The following DOCK3 variants were observed in gnomAD, a reference collection of about 807,000 sequenced individuals.
DOCK3 encodes dedicator of cytokinesis 3.
DOCK3 carries 60 observed loss-of-function variants against 265.6 expected under a neutral mutation model. That is an observed-to-expected ratio of 0.23 (90% CI 0.18 to 0.28). DOCK3 has a LOEUF of 0.28. Ranked by LOEUF, DOCK3 falls within the 10% of genes least tolerant of loss-of-function variation. The pLI is 1.00. For missense variants in DOCK3, 1,981 were observed against 2,594.3 expected, an observed-to-expected ratio of 0.76 and a Z score of 5.14; for synonymous variants, 881 against 938.0, an observed-to-expected ratio of 0.94 and a Z score of 1.11.
At chr3:50,844,098 AT>A (rs1307832851) in intron 3 of DOCK3, among the ~76,000 whole-genome samples, 2 of 152,332 alleles carry the variant, frequency 1.3e-5, no homozygotes, top group Admixed American at 6.5e-5. Flanking sequence ...AAAGGAAAAA[AT>A]AAAGATGACT....
chr3:50,812,162 C>T (rs1285935893), intron 2 of DOCK3, among the ~76,000 whole-genome samples: 8 of 152,152 alleles, frequency 5.3e-5, no homozygotes, highest in African/African-American at 1.9e-4. Flanking sequence ...ATGAATGAGT[C>T]GAGCAGATTC....
At chr3:51,306,403 AT>A (rs901197013) in intron 27 of DOCK3, among the ~76,000 whole-genome samples, 29 of 151,720 alleles carry the variant, frequency 1.9e-4, no homozygotes, top group African/African-American at 6.3e-4. Context: ...AATCTCTTTG[AT>A]TTTATCCCCT....
At chr3:51,190,989 T>C (rs1576362373) in intron 12 of DOCK3, among the ~76,000 whole-genome samples, 1 of 152,210 alleles carries the variant, frequency 6.6e-6, no homozygotes, top group East Asian at 1.9e-4. Flanking sequence ...TCGGAAGGAA[T>C]GGAAAGTAGT....
intron 5 of DOCK3, among the ~76,000 whole-genome samples, chr3:51,050,110 G>T (rs991423203): frequency 2.6e-5 from 4 of 152,122 alleles, no homozygotes; most frequent in African/African-American, 9.7e-5. Flanking sequence ...TTAGCTGGGC[G>T]TGGTAGCTTA....
chr3:51,032,789 A>G (rs1456096913), intron 5 of DOCK3, among the ~76,000 whole-genome samples: 1 of 152,090 alleles, frequency 6.6e-6, no homozygotes, highest in East Asian at 1.9e-4. Context: ...CACCTGTCCT[A>G]TAGTCCCAAG....
At chr3:51,313,834 C>G (rs536018945) in intron 31 of DOCK3, among the ~76,000 whole-genome samples, 19 of 152,176 alleles carry the variant, frequency 1.2e-4, no homozygotes, top group Admixed American at 1.2e-3. Context: ...GTATCCAGCA[C>G]AGTTTGGAAA....
chr3:50,935,351 T>TCTACAGA (rs1288383278), intron 5 of DOCK3, among the ~76,000 whole-genome samples: 1 of 152,138 alleles, frequency 6.6e-6, no homozygotes, highest in Non-Finnish European at 1.5e-5. Flanking sequence ...GGGATGCCCC[T>TCTACAGA]CTCCAGTGGA....
chr3:50,775,524 A>G (rs993623476), intron 1 of DOCK3, among the ~76,000 whole-genome samples: 1 of 151,990 alleles, frequency 6.6e-6, no homozygotes, highest in Non-Finnish European at 1.5e-5. Flanking sequence ...AGTGTTTTCA[A>G]AGAACCAATT....
intron 1 of DOCK3, among the ~76,000 whole-genome samples, chr3:50,740,882 G>A (rs2038973415): frequency 1.3e-5 from 2 of 151,684 alleles, no homozygotes; most frequent in African/African-American, 2.4e-5. Flanking sequence ...TGTATAATTC[G>A]GTGGTATTAA....
chr3:51,288,502 T>C (rs2081542562), intron 27 of DOCK3, among the ~76,000 whole-genome samples: 1 of 152,082 alleles, frequency 6.6e-6, no homozygotes, highest in Non-Finnish European at 1.5e-5. Context: ...GTACTGTGCT[T>C]ATTGCTGGGG....
chr3:51,166,175 C>G (rs937968851), intron 12 of DOCK3, among the ~76,000 whole-genome samples: 1 of 151,652 alleles, frequency 6.6e-6, no homozygotes, highest in Non-Finnish European at 1.5e-5. Flanking sequence ...CTCAGCCTCC[C>G]GAGTAGCTGG....
At position 50,735,026 on chromosome 3, in the gene DOCK3, T is replaced by C. The variant is rs2038496580; in HGVS notation, c.38-43649T>C. Reference sequence around the variant, plus strand: ...TAGTGTTGATGAACTGCCTCAGCTTTTGTATGAGAACATCTTTATCTCTCC... The same window carrying C: ...TAGTGTTGATGAACTGCCTCAGCTTCTGTATGAGAACATCTTTATCTCTCC... On this transcript the variant is annotated intron_variant, in intron 1 of 52. Transcript: ENST00000266037. Among the ~76,000 whole-genome samples, 3 of 152,212 alleles carry C rather than the reference T, an allele frequency of 2.0e-5. No individual in the cohort carries two copies. In the South Asian group the frequency reaches 6.2e-4, roughly 32 times the overall value.
intron 9 of DOCK3, among the ~76,000 whole-genome samples, chr3:51,101,796 G>T (rs1365095683): frequency 2.0e-5 from 3 of 152,136 alleles, no homozygotes; most frequent in Non-Finnish European, 2.9e-5. Flanking sequence ...AGGCATTCTA[G>T]GCTTTCTCCC....
intron 9 of DOCK3, among the ~76,000 whole-genome samples, chr3:51,142,908 C>G (rs1355840729): frequency 2.6e-5 from 4 of 151,354 alleles, no homozygotes; most frequent in Admixed American, 1.3e-4. Context: ...TTTTTTGAGA[C>G]GGAGTTTCTC....
Position 51,277,486 on chromosome 3 carries a change from C to CT in DOCK3, c.2677-121dup. 2.3e-6 allele frequency: 3 copies of CT among 1,303,426 alleles called. No individual in the cohort carries two copies. In the East Asian group the frequency reaches 8.7e-5, roughly 38 times the overall value. 80.7% of individuals were successfully genotyped at this position (1,303,426 alleles called of 1,614,324 possible). On this transcript the variant is annotated intron_variant, in intron 25 of 52. Transcript: ENST00000266037. ...GCCTTGACACTGCATGTTGGTGAGACTGAGAGCTTGGTGTTGGGAATCCAG... is the reference window on the plus strand; with the variant it reads ...GCCTTGACACTGCATGTTGGTGAGACTTGAGAGCTTGGTGTTGGGAATCCAG...
At chr3:50,727,081 ATG>A (rs2037878403) in intron 1 of DOCK3, among the ~76,000 whole-genome samples, 1 of 152,200 alleles carries the variant, frequency 6.6e-6, no homozygotes, top group African/African-American at 2.4e-5. Flanking sequence ...AGAAGAACAA[ATG>A]GGACTGTTAG....
chr3:51,249,410 T>A (rs1304253582), intron 22 of DOCK3, among the ~76,000 whole-genome samples: 1 of 125,408 alleles, frequency 8.0e-6, no homozygotes, highest in African/African-American at 3.1e-5. Context: ...AGCCGCCCCG[T>A]CCGGGAGGTG....
At chr3:51,238,119 C>CCTT (rs2078430437) in intron 21 of DOCK3, among the ~76,000 whole-genome samples, 1 of 47,438 alleles carries the variant, frequency 2.1e-5, no homozygotes, top group African/African-American at 8.3e-5. Context: ...ATATTTACCA[C>CCTT]TTTTTTTTTT....
intron 5 of DOCK3, among the ~76,000 whole-genome samples, chr3:50,941,923 C>G (rs2076307710): frequency 6.6e-6 from 1 of 151,960 alleles, no homozygotes; most frequent in Non-Finnish European, 1.5e-5. Context: ...ACTGTTAAGG[C>G]TTAATATGAG....
Sources: allele counts gnomAD v4.1 joint callset (sites outside exome capture counted in the v4.1 genomes callset), GRCh38; gene constraint gnomAD v4.1.1; transcripts MANE v1.5; gene names NCBI Gene and HGNC (gene_info 2026-07-23, HGNC 2026-07-21).